Variants in TET1 observed in about 807,000 individuals in gnomAD.
The protein encoded by TET1 is tet methylcytosine dioxygenase 1.
TET1 carries 13 observed loss-of-function variants against 148.7 expected under a neutral mutation model. The ratio of observed to expected loss-of-function variants is 0.09; its 90% CI spans 0.06 to 0.14. The LOEUF (loss-of-function observed/expected upper bound fraction) is 0.14, where lower values mean the gene tolerates loss of function less well. Among genes scored for constraint, TET1 ranks in the 10% least tolerant of loss-of-function variants. The pLI is 1.00. For synonymous variants in TET1, 907 were observed against 937.2 expected (o/e 0.97, Z 0.59); for missense variants, 2,182 against 2,553.8 (o/e 0.85, Z 3.14).
chr10:68,682,800 CTCTCTTAAGA>C (rs750141007), intron 9 of TET1, 26 bp from the exon 10 acceptor site: 2 of 1,577,234 alleles, frequency 1.3e-6, no homozygotes, highest in East Asian at 4.5e-5. Context: ...ATTTCCTTCT[CTCTCTTAAGA>C]TTGTGCTCCA....
chr10:68,666,220 A>G (rs529756756), intron 6 of TET1, among the ~76,000 whole-genome samples: 2 of 138,584 alleles, frequency 1.4e-5, no homozygotes, highest in South Asian at 5.0e-4. Context: ...TATTAAATAA[A>G]CAAATAAATA....
chr10:68,640,053 G>A (rs569692876), intron 3 of TET1, among the ~76,000 whole-genome samples: 3 of 151,502 alleles, frequency 2.0e-5, no homozygotes, highest in Non-Finnish European at 2.9e-5. Flanking sequence ...TTAGCCATCC[G>A]AGTAGCTGGA....
At position 68,693,566 on chromosome 10, in the gene TET1, A is replaced by G. The variant is rs976588393; in HGVS notation, c.*1752A>G. The G allele has an allele frequency of 1.7e-5, 4 of 232,844 alleles. No individual in the cohort carries two copies. The highest frequency in any genetic ancestry group is 1.8e-4 in the South Asian group (1 of 5,528). 14.4% of individuals were successfully genotyped at this position (232,844 alleles called of 1,614,324 possible). On this transcript the variant is annotated 3_prime_UTR_variant, in exon 12 of 12. Transcript: ENST00000373644. The stretch of plus-strand genomic sequence containing the variant: ...TAAAAAACAAAATGTCCATTGATAG[A>G]CCATCGTGTACAAGTAGATTTCTGC...
Position 68,600,972 on chromosome 10 carries a change from T to G in TET1, c.1915-9T>G, listed in dbSNP as rs754754766. 4 of 1,597,274 alleles carry G rather than the reference T, an allele frequency of 2.5e-6. No homozygotes were observed. Among genetic ancestry groups the G allele is most frequent in the Admixed American group, 1.8e-5 (1 of 54,562 alleles). ...ACAGAGGCTCATTTTGCAATTTGATTTTTTTTAGGTTATAAAGGAAAACAA... is the reference window on the plus strand; with the variant it reads ...ACAGAGGCTCATTTTGCAATTTGATGTTTTTTAGGTTATAAAGGAAAACAA... On this transcript the variant is annotated splice_polypyrimidine_tract_variant and intron_variant, in intron 2 of 11. Transcript: ENST00000373644.
chr10:68,674,822 GA>G, intron 8 of TET1: 1 of 477,520 alleles, frequency 2.1e-6, no homozygotes. Flanking sequence ...CAAGTTGATG[GA>G]AATCATGACC....
intron 11 of TET1, among the ~76,000 whole-genome samples, chr10:68,687,879 T>G (rs1490772202): frequency 6.6e-6 from 1 of 152,126 alleles, no homozygotes; most frequent in Non-Finnish European, 1.5e-5. Context: ...CCTGGCTTGA[T>G]TTGTTGATTA....
At chr10:68,632,827 T>G (rs370425539) in intron 3 of TET1, 1 of 864,022 alleles carries the variant, frequency 1.2e-6, no homozygotes, top group Non-Finnish European at 1.8e-6. Flanking sequence ...TAAATAAAGT[T>G]TAAGTTGTAA....
rs555575456 is a variant in TET1, at chr10:68,597,184, C to G, written c.1915-3797C>G. Among the ~76,000 whole-genome samples the G allele has an allele frequency of 7.2e-5, 11 of 151,964 alleles. No individual in the cohort carries two copies. The East Asian group carries it at 2.1e-3, about 29-fold the overall frequency. On this transcript the variant is annotated intron_variant, in intron 2 of 11. Transcript: ENST00000373644. ...GAGTAGTTGGGACTATAGGTGCATG[C>G]CACCACTCCTGGCTAATTTTTGTAT...
At chr10:68,585,235 C>T (rs970098887) in intron 2 of TET1, among the ~76,000 whole-genome samples, 12 of 152,106 alleles carry the variant, frequency 7.9e-5, no homozygotes, top group African/African-American at 2.4e-4. Flanking sequence ...AACTCCTGAC[C>T]TCAGGTGATC....
intron 2 of TET1, among the ~76,000 whole-genome samples, chr10:68,581,523 A>G (rs1431031815): frequency 6.6e-6 from 1 of 152,170 alleles, no homozygotes; most frequent in African/African-American, 2.4e-5. Flanking sequence ...TTCACAAGTA[A>G]TTTTTAGTAT....
intron 3 of TET1, among the ~76,000 whole-genome samples, chr10:68,636,077 G>C (rs534862080): frequency 6.6e-6 from 1 of 152,288 alleles, no homozygotes; most frequent in African/African-American, 2.4e-5. Flanking sequence ...TAAGATATTT[G>C]AATAAGGAGG....
At chr10:68,653,899 G>T (rs1473771137) in intron 6 of TET1, among the ~76,000 whole-genome samples, 1 of 151,996 alleles carries the variant, frequency 6.6e-6, no homozygotes. Flanking sequence ...CAGAGGTCAG[G>T]AGTTCAAAAT....
chr10:68,617,161 A>G (rs141006028), intron 3 of TET1, among the ~76,000 whole-genome samples: 7,694 of 148,816 alleles, frequency 0.052, 694 homozygotes, highest in African/African-American at 0.18. Flanking sequence ...AGCTGGGACT[A>G]TAGGCGCCTG....
intron 3 of TET1, among the ~76,000 whole-genome samples, chr10:68,633,113 G>C (rs2054601016): frequency 6.6e-6 from 1 of 152,072 alleles, no homozygotes; most frequent in Admixed American, 6.6e-5. Flanking sequence ...GAACCCAGGA[G>C]GTGGAGGTTG....
At chr10:68,586,390 C>T (rs1186297614) in intron 2 of TET1, among the ~76,000 whole-genome samples, 1 of 151,308 alleles carries the variant, frequency 6.6e-6, no homozygotes, top group South Asian at 2.1e-4. Context: ...GTTGGTCAGG[C>T]TGGTTTCAAA....
chr10:68,572,308 G>C lies in TET1; in HGVS notation c.-31G>C. 6.5e-7 allele frequency: 1 copy of C among 1,541,902 alleles called. No homozygotes were observed. Among genetic ancestry groups the C allele is most frequent in the Non-Finnish European group, 8.7e-7 (1 of 1,145,196 alleles). Reference sequence around the variant, plus strand: ...CAAAGGACCAATGACTCTGTTTCCTGCGCCCTTTCATTTTTTCCTACTCTG... The same window carrying C: ...CAAAGGACCAATGACTCTGTTTCCTCCGCCCTTTCATTTTTTCCTACTCTG... On this transcript the variant is annotated 5_prime_UTR_variant, in exon 2 of 12. Transcript: ENST00000373644.
intron 3 of TET1, among the ~76,000 whole-genome samples, chr10:68,621,456 C>A (rs183591567): frequency 1.7e-4 from 26 of 152,256 alleles, no homozygotes; most frequent in Admixed American, 1.7e-3. Context: ...TGGTGGCTTG[C>A]ACCTGTAGTT....
intron 3 of TET1, among the ~76,000 whole-genome samples, chr10:68,642,372 T>G (rs1209918771): frequency 2.0e-5 from 3 of 151,998 alleles, no homozygotes; most frequent in Admixed American, 6.6e-5. Flanking sequence ...AGTTCGAGGC[T>G]ACAGTGAGCC....
intron 6 of TET1, among the ~76,000 whole-genome samples, chr10:68,664,494 G>A (rs1339384925): frequency 2.0e-5 from 3 of 149,268 alleles, no homozygotes; most frequent in South Asian, 2.1e-4. Context: ...CTGCAACCTC[G>A]GCTCCCGCCT....
Sources: gnomAD v4.1 joint callset for allele counts (sites outside exome capture counted in the v4.1 genomes callset) on GRCh38, gnomAD v4.1.1 for gene constraint, MANE v1.5 for transcripts, NCBI Gene and HGNC (gene_info 2026-07-23, HGNC 2026-07-21) for gene names.